Variants in AUTS2 observed in about 807,000 individuals in gnomAD.
The protein encoded by AUTS2 is activator of transcription and developmental regulator AUTS2.
A neutral mutation model predicts 112.4 loss-of-function variants in AUTS2; 17 were observed. The observed-to-expected ratio is 0.15, with a 90% CI of 0.10 to 0.23. The LOEUF (loss-of-function observed/expected upper bound fraction) is 0.23. Among genes scored for constraint, AUTS2 ranks in the 10% least tolerant of loss-of-function variants. The pLI is 1.00. For missense variants in AUTS2, 1,510 were observed against 1,701.6 expected, an observed-to-expected ratio of 0.89 and a Z score of 1.98; for synonymous variants, 751 against 702.7, an observed-to-expected ratio of 1.07 and a Z score of -1.09.
At chr7:69,827,730 A>G (rs1791315072) in intron 1 of AUTS2, among the ~76,000 whole-genome samples, 1 of 152,208 alleles carries the variant, frequency 6.6e-6, no homozygotes. Flanking sequence ...AGTCTCATGA[A>G]ATGAGAGAAG....
chr7:70,716,085 A>G (rs1031773629), intron 6 of AUTS2, among the ~76,000 whole-genome samples: 3 of 152,228 alleles, frequency 2.0e-5, no homozygotes, highest in Non-Finnish European at 2.9e-5. Flanking sequence ...CGAAAATCTG[A>G]TGATCCCAAC....
intron 6 of AUTS2, among the ~76,000 whole-genome samples, chr7:70,704,087 T>C (rs1365381908): frequency 6.6e-6 from 1 of 152,214 alleles, no homozygotes; most frequent in Non-Finnish European, 1.5e-5. Flanking sequence ...TGCCTTGTAC[T>C]GTTAGTGTGA....
At chr7:69,632,593 G>C (rs1253188044) in intron 1 of AUTS2, among the ~76,000 whole-genome samples, 5 of 112,154 alleles carry the variant, frequency 4.5e-5, no homozygotes, top group Non-Finnish European at 8.7e-5. Flanking sequence ...TCTCCCCTCT[G>C]CCTTCTCCCC....
At chr7:69,607,779 T>G (rs1020696507) in intron 1 of AUTS2, among the ~76,000 whole-genome samples, 3 of 152,164 alleles carry the variant, frequency 2.0e-5, no homozygotes, top group Non-Finnish European at 1.5e-5. Flanking sequence ...GCCCACAGTT[T>G]GTAAGTAATG....
intron 3 of AUTS2, among the ~76,000 whole-genome samples, chr7:70,132,985 C>T (rs930059518): frequency 1.3e-5 from 2 of 152,124 alleles, no homozygotes; most frequent in Non-Finnish European, 2.9e-5. Flanking sequence ...GTGCTGGAAA[C>T]AGGTGATGCT....
At chr7:70,278,056 C>G (rs1463467673) in intron 4 of AUTS2, among the ~76,000 whole-genome samples, 1 of 151,668 alleles carries the variant, frequency 6.6e-6, no homozygotes, top group African/African-American at 2.4e-5. Flanking sequence ...ATGAACCATT[C>G]TTCCCTTTAA....
At chr7:70,500,800 C>T (rs1798742751) in intron 5 of AUTS2, among the ~76,000 whole-genome samples, 1 of 151,982 alleles carries the variant, frequency 6.6e-6, no homozygotes, top group African/African-American at 2.4e-5. Flanking sequence ...CGGCTCACTG[C>T]AACTTCAGCC....
intron 2 of AUTS2, among the ~76,000 whole-genome samples, chr7:69,953,823 C>A (rs1032860644): frequency 1.3e-5 from 2 of 152,158 alleles, no homozygotes; most frequent in Admixed American, 1.3e-4. Context: ...TTAGTACCCC[C>A]CCAACTACTT....
At chr7:69,991,383 T>G (rs1798736628) in intron 2 of AUTS2, among the ~76,000 whole-genome samples, 1 of 152,202 alleles carries the variant, frequency 6.6e-6, no homozygotes, top group South Asian at 2.1e-4. Context: ...GAATTAGCTG[T>G]GATCCATAGG....
intron 6 of AUTS2, among the ~76,000 whole-genome samples, chr7:70,734,506 C>G (rs192672232): frequency 3.9e-5 from 6 of 152,142 alleles, no homozygotes; most frequent in Admixed American, 3.3e-4. Context: ...TCCCCTCCCC[C>G]CTTTTTCTCT....
At position 70,537,314 on chromosome 7, in the gene AUTS2, C is replaced by A. The variant is rs568127692; in HGVS notation, c.690+101533C>A. 2.0e-5 allele frequency among the ~76,000 whole-genome samples: 3 copies of A among 152,336 alleles called. No homozygotes were observed. The South Asian group carries it at 6.2e-4, about 32-fold the overall frequency. On this transcript the variant is annotated intron_variant, in intron 5 of 18. Transcript: ENST00000342771. ...CTACATCCATCCACTCCCAGTACTA[C>A]AACATTGGATTTTTGTTGCTGTTAA... is the stretch of plus-strand genomic sequence containing the variant.
intron 2 of AUTS2, among the ~76,000 whole-genome samples, chr7:70,098,842 A>G (rs961027119): frequency 6.6e-6 from 1 of 151,884 alleles, no homozygotes; most frequent in South Asian, 2.1e-4. Context: ...AGCTGGGATT[A>G]CAAGCGTGCG....
intron 1 of AUTS2, among the ~76,000 whole-genome samples, chr7:69,761,436 T>C (rs1415980803): frequency 6.6e-6 from 1 of 152,222 alleles, no homozygotes; most frequent in African/African-American, 2.4e-5. Context: ...TTTTTCATTG[T>C]TGATCTAGTG....
chr7:70,397,865 T>C lies in AUTS2; in HGVS notation c.661-37887T>C, dbSNP rs79719841. ...AAAGATTTTCTCCTATGTTTTCTTA[T>C]AGAAGTTGCACAATTTTAGTGTTTA... On this transcript the variant is annotated intron_variant, in intron 4 of 18. Transcript: ENST00000342771. Among the ~76,000 whole-genome samples, 31 of 152,352 alleles carry C rather than the reference T, an allele frequency of 2.0e-4. No homozygotes were observed. The East Asian group carries it at 5.8e-3, about 28-fold the overall frequency.
chr7:69,801,452 A>C (rs1023421847), intron 1 of AUTS2, among the ~76,000 whole-genome samples: 3 of 149,994 alleles, frequency 2.0e-5, no homozygotes, highest in Non-Finnish European at 4.4e-5. Context: ...TATGTATATA[A>C]ATAAGATATA....
chr7:70,394,478 A>G (rs1033497866), intron 4 of AUTS2, among the ~76,000 whole-genome samples: 16 of 152,226 alleles, frequency 1.1e-4, no homozygotes, highest in Non-Finnish European at 2.9e-5. Context: ...AACTTTGCCA[A>G]CCATAGTCCT....
intron 4 of AUTS2, among the ~76,000 whole-genome samples, chr7:70,217,548 C>T (rs1811234382): frequency 6.6e-6 from 1 of 152,174 alleles, no homozygotes; most frequent in Admixed American, 6.5e-5. Context: ...GCCTTTATTT[C>T]CCAGTCTGTC....
chr7:70,696,913 T>G (rs1227072473), intron 5 of AUTS2, among the ~76,000 whole-genome samples: 1 of 152,196 alleles, frequency 6.6e-6, no homozygotes, highest in East Asian at 1.9e-4. Context: ...TTGTAAGCCA[T>G]GAATTTAACA....
intron 1 of AUTS2, among the ~76,000 whole-genome samples, chr7:69,765,107 C>G (rs1229000960): frequency 6.6e-6 from 1 of 152,150 alleles, no homozygotes; most frequent in Non-Finnish European, 1.5e-5. Flanking sequence ...GTTTTTGCTT[C>G]TGTTTAGGCC....
Sources: gnomAD v4.1 joint callset for allele counts (sites outside exome capture counted in the v4.1 genomes callset) on GRCh38, gnomAD v4.1.1 for gene constraint, MANE v1.5 for transcripts, NCBI Gene and HGNC (gene_info 2026-07-23, HGNC 2026-07-21) for gene names.